EVA1C: variants seen among roughly 807,000 people sequenced by gnomAD.
EVA1C encodes eva-1 homolog C.
A neutral mutation model predicts 45.4 loss-of-function variants in EVA1C; 25 were observed. The ratio of observed to expected loss-of-function variants is 0.55; its 90% CI spans 0.40 to 0.77. EVA1C has a LOEUF of 0.77. EVA1C is among the 30% of genes least tolerant of loss of function. The pLI is 0.00. For missense variants in EVA1C, 479 were observed against 554.8 expected, an observed-to-expected ratio of 0.86 and a Z score of 1.37; for synonymous variants, 190 against 221.2, an observed-to-expected ratio of 0.86 and a Z score of 1.25.
At chr21:32,514,142 G>A (rs1001341723) in intron 7 of EVA1C, among the ~76,000 whole-genome samples, 13 of 152,156 alleles carry the variant, frequency 8.5e-5, no homozygotes, top group South Asian at 4.1e-4. Flanking sequence ...TCAAGCGTCC[G>A]TGAATTTTGG....
chr21:32,420,692 C>A (rs1192765883), intron 1 of EVA1C, among the ~76,000 whole-genome samples: 1 of 152,166 alleles, frequency 6.6e-6, no homozygotes, highest in African/African-American at 2.4e-5. Context: ...CTGTGCCTGG[C>A]CCTAAAAATA....
intron 4 of EVA1C, among the ~76,000 whole-genome samples, chr21:32,477,518 C>T (rs2036608227): frequency 6.6e-6 from 1 of 152,084 alleles, no homozygotes; most frequent in Admixed American, 6.5e-5. Flanking sequence ...GTGGCTGGGG[C>T]TGCAGTCCCC....
At chr21:32,435,437 C>T (rs2146181958) in intron 1 of EVA1C, among the ~76,000 whole-genome samples, 1 of 152,338 alleles carries the variant, frequency 6.6e-6, no homozygotes, top group African/African-American at 2.4e-5. Flanking sequence ...GAGCCTCAGC[C>T]ACCACCTGTG....
intron 7 of EVA1C, among the ~76,000 whole-genome samples, chr21:32,511,030 A>ACT (rs2037928057): frequency 1.5e-5 from 2 of 137,032 alleles, no homozygotes; most frequent in Non-Finnish European, 3.1e-5. Context: ...ACAAAGGGAG[A>ACT]CTCTCTCTCT....
chr21:32,461,472 CT>C (rs2035995337), intron 3 of EVA1C, among the ~76,000 whole-genome samples: 1 of 152,228 alleles, frequency 6.6e-6, no homozygotes, highest in African/African-American at 2.4e-5. Flanking sequence ...CTTCCTGCCT[CT>C]TTTTCTGCAT....
chr21:32,457,937 C>A (rs951064010), intron 3 of EVA1C, among the ~76,000 whole-genome samples: 1 of 152,168 alleles, frequency 6.6e-6, no homozygotes, highest in African/African-American at 2.4e-5. Flanking sequence ...TCTGCACATG[C>A]CTTCATTTTC....
At chr21:32,469,459 T>C (rs966726377) in intron 4 of EVA1C, among the ~76,000 whole-genome samples, 6 of 152,108 alleles carry the variant, frequency 3.9e-5, no homozygotes, top group Non-Finnish European at 7.4e-5. Context: ...GGGTATTCAG[T>C]GCTAAGAAGG....
At chr21:32,482,854 CTTTTTTTTTTTTT>C (rs774611494) in intron 4 of EVA1C, among the ~76,000 whole-genome samples, 1 of 60,970 alleles carries the variant, frequency 1.6e-5, no homozygotes. Context: ...GTGTTATTCC[CTTTTTTTTTTTTT>C]TTTTTTTTGG....
At chr21:32,424,582 C>T (rs1749896314) in intron 1 of EVA1C, among the ~76,000 whole-genome samples, 1 of 152,106 alleles carries the variant, frequency 6.6e-6, no homozygotes, top group South Asian at 2.1e-4. Context: ...ACCTGAATGC[C>T]AGAACGCTCC....
At chr21:32,499,036 A>G (rs2037444531) in intron 5 of EVA1C, among the ~76,000 whole-genome samples, 1 of 152,234 alleles carries the variant, frequency 6.6e-6, no homozygotes, top group African/African-American at 2.4e-5. Flanking sequence ...GGCCTGTGTC[A>G]TACACAGCCA....
In EVA1C at chr21:32,483,962, A is replaced by ATGTGTG. The variant is rs55688415; in HGVS notation, c.635-11033_635-11028dup. On this transcript the variant is annotated intron_variant, in intron 4 of 7. Transcript: ENST00000300255. ...TTTATGATAATGTTCCTCACTGTTT[A>ATGTGTG]TGTGTGTGTGTGTGTGTGTGTGTGT... is the stretch of plus-strand genomic sequence containing the variant. 1.0e-2 allele frequency among the ~76,000 whole-genome samples: 1,470 copies of ATGTGTG among 147,320 alleles called. 25 individuals are homozygous for ATGTGTG. The highest frequency in any genetic ancestry group is 0.028 in the African/African-American group (1,118 of 40,242).
chr21:32,488,134 A>AAC (rs954408463), intron 4 of EVA1C, among the ~76,000 whole-genome samples: 30 of 152,344 alleles, frequency 2.0e-4, no homozygotes, highest in African/African-American at 7.2e-4. Flanking sequence ...ATAAGGGGTT[A>AAC]ATATTCAAAT....
At chr21:32,484,523 G>A (rs1329962999) in intron 4 of EVA1C, among the ~76,000 whole-genome samples, 1 of 148,982 alleles carries the variant, frequency 6.7e-6, no homozygotes, top group Admixed American at 6.8e-5. Context: ...CAGCCTGGGC[G>A]ACAAAGAGAG....
intron 4 of EVA1C, among the ~76,000 whole-genome samples, chr21:32,480,558 C>T (rs146462699): frequency 2.0e-5 from 3 of 152,300 alleles, no homozygotes; most frequent in African/African-American, 7.2e-5. Context: ...GTCCCAGCTA[C>T]TCGGGAGGCT....
At chr21:32,466,040 G>C (rs557167220) in intron 3 of EVA1C, among the ~76,000 whole-genome samples, 21 of 152,198 alleles carry the variant, frequency 1.4e-4, no homozygotes, top group Non-Finnish European at 2.4e-4. Context: ...GCCTCTAAAG[G>C]TTTGCCTCCT....
chr21:32,464,974 T>C (rs545820391), intron 3 of EVA1C, among the ~76,000 whole-genome samples: 1 of 152,284 alleles, frequency 6.6e-6, no homozygotes, highest in South Asian at 2.1e-4. Context: ...GGGATTAAGG[T>C]GGGCGTTTTC....
chr21:32,435,411 C>T (rs1299435203), intron 1 of EVA1C, among the ~76,000 whole-genome samples: 2 of 152,042 alleles, frequency 1.3e-5, no homozygotes, highest in Non-Finnish European at 2.9e-5. Flanking sequence ...CAGTTCCTGC[C>T]TCAGTAGCCC....
At chr21:32,443,025 G>A (rs1252678888) in intron 1 of EVA1C, among the ~76,000 whole-genome samples, 1 of 138,514 alleles carries the variant, frequency 7.2e-6, no homozygotes, top group Admixed American at 7.3e-5. Context: ...AGGGAGGGAA[G>A]GAAGGAGGAA....
At chr21:32,413,361 C>G (rs1232394966) in intron 1 of EVA1C, among the ~76,000 whole-genome samples, 1 of 152,240 alleles carries the variant, frequency 6.6e-6, no homozygotes, top group Non-Finnish European at 1.5e-5. Context: ...GTAAAATACA[C>G]GTGTTGTGGT....
Sources: allele counts gnomAD v4.1 joint callset (sites outside exome capture counted in the v4.1 genomes callset), GRCh38; gene constraint gnomAD v4.1.1; transcripts MANE v1.5; gene names NCBI Gene and HGNC (gene_info 2026-07-23, HGNC 2026-07-21).